Variants in ARL15 observed in about 807,000 individuals in gnomAD.
ARL15 encodes ADP-ribosylation factor-like protein 15.
A neutral mutation model predicts 25.2 loss-of-function variants in ARL15; 19 were observed. The observed-to-expected ratio is 0.75, with a 90% CI of 0.53 to 1.10. ARL15 has a LOEUF of 1.10. Ranked by LOEUF, ARL15 falls within the 50% of genes least tolerant of loss-of-function variation. ARL15 has a pLI of 0.00. For synonymous variants in ARL15, 94 were observed against 86.8 expected (o/e 1.08, Z -0.46); for missense variants, 220 against 246.0 (o/e 0.89, Z 0.71).
rs182557391 is a variant in ARL15, at chr5:54,258,887, C to T, written c.48+51545G>A. Among the ~76,000 whole-genome samples the T allele has an allele frequency of 6.8e-4, 104 of 152,264 alleles. 1 individual carries two copies. The highest frequency in any genetic ancestry group is 2.5e-3 in the African/African-American group (102 of 41,548). ...GTCATGGAATGGGGAGAACATGATG[C>T]CAGAGGTGGTTGCCTCAGGCTCTGT... On this transcript the variant is annotated intron_variant, in intron 1 of 4. Coordinates refer to ENST00000504924, the MANE Select transcript of ARL15 (RefSeq NM_019087.3).
intron 1 of ARL15, among the ~76,000 whole-genome samples, chr5:54,225,032 C>T (rs1292933806): frequency 6.6e-6 from 1 of 152,150 alleles, no homozygotes; most frequent in Non-Finnish European, 1.5e-5. Flanking sequence ...TTCTTAAATT[C>T]CCTCAAGTTC....
chr5:54,260,259 A>T (rs1322385476), intron 1 of ARL15, among the ~76,000 whole-genome samples: 1 of 152,170 alleles, frequency 6.6e-6, no homozygotes, highest in Non-Finnish European at 1.5e-5. Context: ...AATGCAAACC[A>T]GCTTCTCTGT....
At chr5:53,934,990 C>G (rs910400042) in intron 4 of ARL15, among the ~76,000 whole-genome samples, 2 of 152,160 alleles carry the variant, frequency 1.3e-5, no homozygotes, top group East Asian at 3.9e-4. Context: ...ATCCAGAGCC[C>G]TTTCCCAGAG....
intron 4 of ARL15, among the ~76,000 whole-genome samples, chr5:53,914,514 G>A (rs1405544926): frequency 6.6e-6 from 1 of 152,052 alleles, no homozygotes; most frequent in East Asian, 1.9e-4. Flanking sequence ...AGAATTGACT[G>A]CTCCCTCAAC....
At chr5:54,010,482 A>G (rs1312573518) in intron 4 of ARL15, among the ~76,000 whole-genome samples, 1 of 152,168 alleles carries the variant, frequency 6.6e-6, no homozygotes, top group Non-Finnish European at 1.5e-5. Context: ...TGCCTAGTAG[A>G]TATCACCTCA....
chr5:53,922,182 G>A lies in ARL15; in HGVS notation c.463-35469C>T, dbSNP rs552878795. Among the ~76,000 whole-genome samples, 14 of 152,184 alleles carry A rather than the reference G, an allele frequency of 9.2e-5. 1 individual carries two copies. The South Asian group carries it at 2.9e-3, about 32-fold the overall frequency. ...TGGTATGCCTTAGTTTGTGTTTCTG[G>A]TATGGCCATCTCAGCTTCCATTCTC... On this transcript the variant is annotated intron_variant, in intron 4 of 4. Coordinates refer to ENST00000504924, the MANE Select transcript of ARL15 (RefSeq NM_019087.3).
At chr5:53,969,697 C>T (rs943682529) in intron 4 of ARL15, among the ~76,000 whole-genome samples, 1 of 152,070 alleles carries the variant, frequency 6.6e-6, no homozygotes, top group Non-Finnish European at 1.5e-5. Flanking sequence ...ACAAAGCATG[C>T]AATGGGATAG....
chr5:54,090,433 AAAAG>A (rs1752096485), intron 4 of ARL15, among the ~76,000 whole-genome samples: 1 of 151,782 alleles, frequency 6.6e-6, no homozygotes, highest in African/African-American at 2.4e-5. Flanking sequence ...AAAGCAAAAA[AAAAG>A]AAACAGGCAA....
intron 1 of ARL15, among the ~76,000 whole-genome samples, chr5:54,251,499 C>T (rs1473411017): frequency 3.9e-5 from 6 of 152,142 alleles, no homozygotes; most frequent in Non-Finnish European, 8.8e-5. Flanking sequence ...AAAACGGAGG[C>T]TGCTGATAAA....
At chr5:54,007,240 A>C (rs1749075018) in intron 4 of ARL15, among the ~76,000 whole-genome samples, 1 of 152,140 alleles carries the variant, frequency 6.6e-6, no homozygotes, top group African/African-American at 2.4e-5. Context: ...ATTTTCTAAA[A>C]GTATTGATCC....
At position 54,089,135 on chromosome 5, in the gene ARL15, C is replaced by T. The variant is rs374613413; in HGVS notation, c.462+24067G>A. 8.5e-5 allele frequency among the ~76,000 whole-genome samples: 13 copies of T among 152,294 alleles called. No homozygotes were observed. The South Asian group carries it at 1.9e-3, about 22-fold the overall frequency. ...TATTCTAGTCTCAGCTCCAGCACCC[C>T]CCGCCTCAGGAAGCTGGCTCAGCCC... On this transcript the variant is annotated intron_variant, in intron 4 of 4. Transcript: ENST00000504924.
Position 53,891,664 on chromosome 5 carries a change from C to T in ARL15, c.463-4951G>A, listed in dbSNP as rs897521433. Among the ~76,000 whole-genome samples, 3 of 152,196 alleles carry T rather than the reference C, an allele frequency of 2.0e-5. No homozygotes were observed. The South Asian group carries it at 6.2e-4, about 31-fold the overall frequency. ...GCTTTCCCCATTCTCCCCCAGATCA[C>T]CCACTACACACAATGCCTATGTTCC... On this transcript the variant is annotated intron_variant, in intron 4 of 4. Coordinates refer to ENST00000504924, the MANE Select transcript of ARL15 (RefSeq NM_019087.3).
intron 2 of ARL15, among the ~76,000 whole-genome samples, chr5:54,155,141 C>G (rs1363950017): frequency 6.6e-6 from 1 of 151,972 alleles, no homozygotes; most frequent in East Asian, 1.9e-4. Flanking sequence ...AACAAACAAG[C>G]AAAAAACATA....
intron 1 of ARL15, among the ~76,000 whole-genome samples, chr5:54,273,487 C>A (rs12332105): frequency 0.041 from 6,194 of 152,042 alleles, 303 homozygotes; most frequent in African/African-American, 0.11. Context: ...ATGTCAAGGA[C>A]TAAAAGACAA....
At chr5:54,297,907 C>G (rs1276920465) in intron 1 of ARL15, among the ~76,000 whole-genome samples, 1 of 152,172 alleles carries the variant, frequency 6.6e-6, no homozygotes, top group Admixed American at 6.5e-5. Flanking sequence ...CTCAGCCTCC[C>G]CAGCAGCTGG....
In ARL15 at chr5:54,103,143, C is replaced by A. The variant is rs555817536; in HGVS notation, c.462+10059G>T. On this transcript the variant is annotated intron_variant, in intron 4 of 4. Coordinates refer to ENST00000504924, the MANE Select transcript of ARL15 (RefSeq NM_019087.3). The stretch of plus-strand genomic sequence containing the variant: ...CCTACTTGACTCTTCTCCTTTGTAA[C>A]CTAGTAAAAAACTTGTAAATTTTTT... Among the ~76,000 whole-genome samples, 45 of 152,088 alleles carry A rather than the reference C, an allele frequency of 3.0e-4. No individual in the cohort carries two copies. The East Asian group carries it at 5.0e-3, about 17-fold the overall frequency.
intron 4 of ARL15, among the ~76,000 whole-genome samples, chr5:54,104,908 A>G (rs1209839661): frequency 6.6e-6 from 1 of 152,056 alleles, no homozygotes; most frequent in Non-Finnish European, 1.5e-5. Context: ...CTCCATTAAG[A>G]AAAAAAGTAA....
At chr5:54,156,813 G>C (rs916022840) in intron 2 of ARL15, among the ~76,000 whole-genome samples, 6 of 152,174 alleles carry the variant, frequency 3.9e-5, no homozygotes, top group Non-Finnish European at 8.8e-5. Context: ...TGAGCAGGAG[G>C]AAAGAGGAGG....
intron 4 of ARL15, among the ~76,000 whole-genome samples, chr5:54,112,377 T>G (rs1377713100): frequency 6.6e-6 from 1 of 152,168 alleles, no homozygotes; most frequent in East Asian, 1.9e-4. Context: ...TTTTTCAGGC[T>G]GAAAGGCAAG....
Sources: gnomAD v4.1 joint callset for allele counts (sites outside exome capture counted in the v4.1 genomes callset) on GRCh38, gnomAD v4.1.1 for gene constraint, MANE v1.5 for transcripts, NCBI Gene and HGNC (gene_info 2026-07-23, HGNC 2026-07-21) for gene names.